The following AMDHD2 variants were observed in gnomAD, a reference collection of about 807,000 sequenced individuals.
The protein encoded by AMDHD2 is amidohydrolase domain containing 2.
A neutral mutation model predicts 41.8 loss-of-function variants in AMDHD2; 24 were observed. The observed-to-expected ratio is 0.57, with a 90% CI of 0.42 to 0.81. The LOEUF is 0.81. AMDHD2 is among the 30% of genes least tolerant of loss of function. The probability of loss-of-function intolerance (pLI) is 0.00; values close to 1 mark genes in which losing one functional copy is unlikely to be tolerated. For missense variants in AMDHD2, 540 were observed against 588.5 expected (o/e 0.92, Z 0.85); for synonymous variants, 332 against 255.5 (o/e 1.30, Z -2.85).
chr16:2,528,302 A>T lies in AMDHD2; in HGVS notation c.784A>T (p.Ile262Phe), dbSNP rs778068843. ...TSDRLPAGRC[I>F]FYGMIADGTH... ...CGACCGGCTGCCCGCAGGCCGCTGCATCTTCTATGGGATGATTGCAGATGG... is the reference window on the plus strand; with the variant it reads ...CGACCGGCTGCCCGCAGGCCGCTGCTTCTTCTATGGGATGATTGCAGATGG... Residue 262 changes from isoleucine (I) to phenylalanine (F), a missense_variant, in exon 7 of 11, where the codon ATC (isoleucine) becomes TTC (phenylalanine). By Grantham distance (21) the Ile-to-Phe change is conservative. Coordinates refer to ENST00000293971, the MANE Select transcript of AMDHD2 (RefSeq NM_001330449.2). 6.2e-7 allele frequency: 1 copy of T among 1,612,594 alleles called. No individual in the cohort carries two copies. The highest frequency in any genetic ancestry group is 2.2e-5 in the East Asian group (1 of 44,850).
intron 3 of AMDHD2, 84 bp downstream of exon 3, chr16:2,521,207 AC>A: frequency 1.5e-6 from 2 of 1,318,686 alleles, no homozygotes; most frequent in Non-Finnish European, 2.0e-6. Context: ...CCCACCCCCC[AC>A]CCCCAGCACG....
At position 2,529,126 on chromosome 16, in the gene AMDHD2, C is replaced by T. The variant is rs1170188570; in HGVS notation, c.1141+31C>T. The T allele has an allele frequency of 2.7e-6, 4 of 1,500,532 alleles. No homozygotes were observed. The South Asian group carries it at 3.8e-5, about 14-fold the overall frequency. The allele number at this position is 1,500,532 out of a possible 1,614,324, so 93.0% of individuals were successfully genotyped here. On this transcript the variant is annotated intron_variant, in intron 10 of 10. Transcript: ENST00000293971. ...GGCCTGTCGCAGGGTCACCGGGCAG[C>T]CTGGCCCTGCCTGTAGACTCTGTTG...
At chr16:2,525,890 G>T (rs1482272697) in intron 3 of AMDHD2, among the ~76,000 whole-genome samples, 2 of 152,078 alleles carry the variant, frequency 1.3e-5, no homozygotes, top group Non-Finnish European at 2.9e-5. Flanking sequence ...TGTTGGTAAG[G>T]CTGGTCTCAA....
In AMDHD2 at chr16:2,528,436, G is replaced by A. The variant is rs775564154; in HGVS notation, c.863-16G>A. The A allele has an allele frequency of 3.7e-6, 6 of 1,612,788 alleles. No individual in the cohort carries two copies. Among genetic ancestry groups the A allele is most frequent in the East Asian group, 2.2e-5 (1 of 44,872 alleles). On this transcript the variant is annotated splice_polypyrimidine_tract_variant and intron_variant, in intron 7 of 10. Transcript: ENST00000293971. ...GGATGACTGGGCTAGCAGGTTCTGA[G>A]CCTCTTCTCCCCCAGGGCTGGTGCT...
chr16:2,529,430 G>C (rs1277276423), intron 10 of AMDHD2, 45 bp from the exon 11 acceptor site: 3 of 1,602,560 alleles, frequency 1.9e-6, no homozygotes. Context: ...GGGTAGGTGG[G>C]CGGCCCCACT....
In AMDHD2 at chr16:2,520,838, G is replaced by C; in HGVS notation, c.153G>C (p.Val51=). Residue 51 remains valine (V), a synonymous_variant, in exon 2 of 11, where the codon GTG becomes GTC. Transcript: ENST00000293971. ...AGCTGTTCTTTGAGGAGCGGCGCGT[G>C]GCCGACGAGCGGCGGGACTGCGGGG... The part of the protein sequence containing the change: ...PEKLFFEERR[V]ADERRDCGGR... 6.2e-7 allele frequency: 1 copy of C among 1,612,018 alleles called. No individual in the cohort carries two copies.
chr16:2,531,117 C>CA lies in AMDHD2; in HGVS notation c.*1555dup, dbSNP rs765539558. The CA allele has an allele frequency of 2.6e-6, 4 of 1,537,724 alleles. No individual in the cohort carries two copies. In the South Asian group the frequency reaches 3.7e-5, roughly 14 times the overall value. ...GCTGGCATGTTGGTCATCCCCACCT[C>CA]AGACGGGACGCCCAGTCCAGAGCTG... On this transcript the variant is annotated 3_prime_UTR_variant, in exon 11 of 11. Transcript: ENST00000293971.
rs369689531 is a variant in AMDHD2, at chr16:2,530,379, C to T, written c.*816C>T. The T allele has an allele frequency of 1.2e-6, 2 of 1,613,990 alleles. No individual in the cohort carries two copies. Among genetic ancestry groups the T allele is most frequent in the South Asian group, 2.2e-5 (2 of 91,090 alleles). On this transcript the variant is annotated 3_prime_UTR_variant, in exon 11 of 11. Transcript: ENST00000293971. ...ATCTTCTGTGTCCCCTTGGCCCTGG[C>T]ACACACCCATGTGGCAAACACGGGC... is the stretch of plus-strand genomic sequence containing the variant.
Position 2,530,745 on chromosome 16 carries a change from C to G in AMDHD2, c.*1182C>G. ...GCCAGGGAAGAACCACCTGCCTGGG[C>G]AGGGCCTCGCCTGAGGGAGGGCCTG... On this transcript the variant is annotated 3_prime_UTR_variant, in exon 11 of 11. Coordinates refer to ENST00000293971, the MANE Select transcript of AMDHD2 (RefSeq NM_001330449.2). The G allele has an allele frequency of 6.2e-7, 1 of 1,613,670 alleles. No individual in the cohort carries two copies. Among genetic ancestry groups the G allele is most frequent in the Non-Finnish European group, 8.5e-7 (1 of 1,179,844 alleles).
rs760159256 is a variant in AMDHD2, at chr16:2,530,365, C to T, written c.*802C>T. 3.7e-6 allele frequency: 6 copies of T among 1,614,080 alleles called. No individual in the cohort carries two copies. In the African/African-American group the frequency reaches 4.0e-5, roughly 11 times the overall value. On this transcript the variant is annotated 3_prime_UTR_variant, in exon 11 of 11. Coordinates refer to ENST00000293971, the MANE Select transcript of AMDHD2 (RefSeq NM_001330449.2). ...AGTGTCATCCTGCCATCTTCTGTGT[C>T]CCCTTGGCCCTGGCACACACCCATG...
In AMDHD2 at chr16:2,529,536, G is replaced by A. The variant is rs1238923422; in HGVS notation, c.1203G>A (p.Val401=). ...VQATYISGEL[V]WQADAARQ ...CCACCTACATCTCGGGTGAGCTGGTGTGGCAGGCGGACGCAGCTAGGCAGT... is the reference window on the plus strand; with the variant it reads ...CCACCTACATCTCGGGTGAGCTGGTATGGCAGGCGGACGCAGCTAGGCAGT... Residue 401 remains valine (V), a synonymous_variant, in exon 11 of 11, where the codon GTG becomes GTA. Coordinates refer to ENST00000293971, the MANE Select transcript of AMDHD2 (RefSeq NM_001330449.2). 1 of 1,609,922 alleles carries A rather than the reference G, an allele frequency of 6.2e-7. No individual in the cohort carries two copies. The highest frequency in any genetic ancestry group is 1.1e-5 in the South Asian group (1 of 91,088).
Position 2,529,564 on chromosome 16 carries a change from C to T in AMDHD2, c.*1C>T, listed in dbSNP as rs1179518421. The T allele has an allele frequency of 6.2e-7, 1 of 1,606,952 alleles. No individual in the cohort carries two copies. Among genetic ancestry groups the T allele is most frequent in the East Asian group, 2.2e-5 (1 of 44,864 alleles). ...GCAGGCGGACGCAGCTAGGCAGTGA[C>T]AAGGACCTCGGCTGAGAGGACACCT... On this transcript the variant is annotated 3_prime_UTR_variant, in exon 11 of 11. Coordinates refer to ENST00000293971, the MANE Select transcript of AMDHD2 (RefSeq NM_001330449.2).
chr16:2,527,921 A>T lies in AMDHD2; in HGVS notation c.564A>T (p.Pro188=), dbSNP rs575612723. ...LDNVRIVTLA[P]ELGRSHEVIR... is the part of the protein sequence containing the mutation. ...ATGTCCGCATCGTGACGCTGGCCCC[A>T]GAGTTGGGCCGTAGCCACGAAGTGA... Residue 188 remains proline (P), a synonymous_variant, in exon 5 of 11, where the codon CCA becomes CCT. Transcript: ENST00000293971. This position sits in a 1 kb window ranked among gnomAD's most constrained non-coding sequence, Gnocchi z 6.1. 83 of 1,597,716 alleles carry T rather than the reference A, an allele frequency of 5.2e-5. 1 individual carries two copies. The South Asian group carries it at 7.0e-4, about 14-fold the overall frequency.
chr16:2,528,906 C>G, intron 9 of AMDHD2, 88 bp from the exon 10 acceptor site: 1 of 1,485,978 alleles, frequency 6.7e-7, no homozygotes, highest in Non-Finnish European at 9.1e-7. Flanking sequence ...TGCAGAGTCC[C>G]TGAGACAGGG....
intron 9 of AMDHD2, 69 bp downstream of exon 9, chr16:2,528,787 G>C (rs1174167620): frequency 3.1e-6 from 5 of 1,590,216 alleles, no homozygotes; most frequent in Non-Finnish European, 1.7e-6. Context: ...GCTGGACCGG[G>C]TGCCCGGACT....
At chr16:2,521,992 GC>G (rs1344214269) in intron 3 of AMDHD2, among the ~76,000 whole-genome samples, 1 of 151,940 alleles carries the variant, frequency 6.6e-6, no homozygotes, top group Non-Finnish European at 1.5e-5. Flanking sequence ...CACCGTGTTA[GC>G]CAGGATGGTC....
rs1262067641 is a variant in AMDHD2 at position 2,527,884 on chromosome 16, G to T, written c.527G>T (p.Gly176Val). The change falls in exon 5 of 11, where the codon GGG (glycine) becomes GTG (valine). Residue 176 changes from glycine to valine, a missense_variant. Physicochemically the swap from Gly to Val is moderately radical, Grantham distance 109. Transcript: ENST00000293971. The surrounding 1 kb of genome is among the most constrained non-coding windows in gnomAD (Gnocchi z 6.1). ...TTCCAGGACTTGCTGGCCACCTACG[G>T]GCCCCTGGACAATGTCCGCATCGTG... is the stretch of plus-strand genomic sequence containing the variant. ...DAFQDLLATY[G>V]PLDNVRIVTL... The T allele has an allele frequency of 1.9e-6, 3 of 1,596,614 alleles. No individual in the cohort carries two copies. The highest frequency in any genetic ancestry group is 1.7e-6 in the Non-Finnish European group (2 of 1,178,794).
chr16:2,522,696 T>G (rs1426574361), intron 3 of AMDHD2, among the ~76,000 whole-genome samples: 1 of 152,034 alleles, frequency 6.6e-6, no homozygotes, highest in African/African-American at 2.4e-5. Flanking sequence ...AAGTTTTTTG[T>G]AGAGACAGGG....
At chr16:2,524,826 G>C (rs541504391) in intron 3 of AMDHD2, among the ~76,000 whole-genome samples, 15 of 152,028 alleles carry the variant, frequency 9.9e-5, no homozygotes, top group Middle Eastern at 3.2e-3. Context: ...TCGTGGCTCC[G>C]TGAGTCCTCT....
Sources: allele counts gnomAD v4.1 joint callset (sites outside exome capture counted in the v4.1 genomes callset), GRCh38; gene constraint gnomAD v4.1.1; non-coding constraint Gnocchi (gnomAD v3.1); transcripts MANE v1.5; gene names NCBI Gene and HGNC (gene_info 2026-07-23, HGNC 2026-07-21).